Variants in RHBDL2 observed in about 807,000 individuals in gnomAD.
RHBDL2 encodes the protein rhomboid like 2, also known as rhomboid-related protein 2.
RHBDL2 carries 26 observed loss-of-function variants against 31.7 expected under a neutral mutation model. That is an observed-to-expected ratio of 0.82 (90% CI 0.60 to 1.14). RHBDL2 has a LOEUF of 1.14. Among genes scored for constraint, RHBDL2 ranks in the 50% most tolerant of loss-of-function variants. RHBDL2 has a pLI of 0.00. For missense variants in RHBDL2, 336 were observed against 364.4 expected (o/e 0.92, Z 0.63); for synonymous variants, 123 against 127.2 (o/e 0.97, Z 0.22).
intron 1 of RHBDL2, among the ~76,000 whole-genome samples, chr1:38,922,779 C>T (rs1320198330): frequency 6.6e-6 from 1 of 151,550 alleles, no homozygotes. Flanking sequence ...GAAATATTAC[C>T]TATTAGATTG....
intron 4 of RHBDL2, among the ~76,000 whole-genome samples, chr1:38,904,708 G>T (rs2124316982): frequency 6.7e-6 from 1 of 148,582 alleles, no homozygotes; most frequent in African/African-American, 2.4e-5. Context: ...TATATAATAT[G>T]TGTACTATAT....
intron 4 of RHBDL2, among the ~76,000 whole-genome samples, chr1:38,900,296 T>C (rs986555251): frequency 6.6e-6 from 1 of 152,066 alleles, no homozygotes; most frequent in Admixed American, 6.6e-5. Flanking sequence ...GGTGTGCACC[T>C]ATAATCCCAG....
At chr1:38,893,938 G>A (rs1002477789) in intron 5 of RHBDL2, among the ~76,000 whole-genome samples, 20 of 152,032 alleles carry the variant, frequency 1.3e-4, no homozygotes, top group African/African-American at 2.4e-4. Flanking sequence ...TCCCTTATGC[G>A]TCAGTGGCGA....
chr1:38,925,921 A>T, intron 1 of RHBDL2: 2 of 1,256,692 alleles, frequency 1.6e-6, no homozygotes, highest in Non-Finnish European at 2.1e-6. Flanking sequence ...ATATTCATTT[A>T]TAATGGGCCT....
chr1:38,927,306 A>T (rs976547361), intron 1 of RHBDL2, among the ~76,000 whole-genome samples: 3 of 152,180 alleles, frequency 2.0e-5, no homozygotes, highest in Non-Finnish European at 4.4e-5. Context: ...GGGCGCCTGT[A>T]GTCCCAGCTA....
At chr1:38,913,841 G>A (rs187088834) in intron 3 of RHBDL2, among the ~76,000 whole-genome samples, 7 of 152,254 alleles carry the variant, frequency 4.6e-5, no homozygotes, top group Admixed American at 2.0e-4. Context: ...ATAGGCGGCC[G>A]GGCACAGTGG....
intron 1 of RHBDL2, among the ~76,000 whole-genome samples, chr1:38,921,811 T>C (rs1643319247): frequency 6.6e-6 from 1 of 152,208 alleles, no homozygotes. Flanking sequence ...CCACGTCTCA[T>C]AATTGACAAA....
Position 38,893,203 on chromosome 1 carries a change from C to A in RHBDL2, c.631G>T (p.Ala211Ser). ...ATCAGCAGTCTGAAAATTCCAAAGG[C>A]AGGAATCATTTCTTGAAAATTCTTA... ...VLVNFQEMIP[A>S]FGIFRLLIII... Residue 211 changes from alanine (A) to serine (S), a missense_variant, in exon 6 of 8, where the codon GCC becomes TCC. Physicochemically the swap from Ala to Ser is moderately conservative, Grantham distance 99. Coordinates refer to ENST00000372990, the MANE Select transcript of RHBDL2 (RefSeq NM_017821.5). The A allele has an allele frequency of 6.4e-7, 1 of 1,568,492 alleles. No homozygotes were observed. Among genetic ancestry groups the A allele is most frequent in the Non-Finnish European group, 8.8e-7 (1 of 1,140,070 alleles).
rs186947551 is a variant in RHBDL2, at chr1:38,913,227, C to T, written c.396-1793G>A. 2.1e-3 allele frequency among the ~76,000 whole-genome samples: 316 copies of T among 151,832 alleles called. 2 individuals are homozygous for T. The highest frequency in any genetic ancestry group is 7.0e-3 in the African/African-American group (289 of 41,410). Reference sequence around the variant, plus strand: ...CAAACTCCTGACCTCAGGTGACCACCTCAGCTTCCCAAACTGCTGGGATTA... The same window carrying T: ...CAAACTCCTGACCTCAGGTGACCACTTCAGCTTCCCAAACTGCTGGGATTA... On this transcript the variant is annotated intron_variant, in intron 3 of 7. Coordinates refer to ENST00000372990, the MANE Select transcript of RHBDL2 (RefSeq NM_017821.5).
intron 4 of RHBDL2, among the ~76,000 whole-genome samples, chr1:38,902,082 C>G (rs965913227): frequency 2.6e-5 from 4 of 151,444 alleles, no homozygotes; most frequent in African/African-American, 9.7e-5. Context: ...GTACAAAGAA[C>G]ACTTACCAAC....
intron 7 of RHBDL2, 124 bp from the exon 8 acceptor site, chr1:38,886,807 G>A (rs533554080): frequency 2.3e-5 from 16 of 690,942 alleles, no homozygotes; most frequent in Non-Finnish European, 3.5e-5. Flanking sequence ...AAGGTCTAGA[G>A]AACTAGGGGT....
intron 5 of RHBDL2, 54 bp from the exon 6 acceptor site, chr1:38,893,278 T>C (rs755880837): frequency 1.9e-4 from 150 of 803,892 alleles, no homozygotes; most frequent in Non-Finnish European, 2.8e-4. Flanking sequence ...AAATGAAACC[T>C]CAACTCTACT....
At chr1:38,887,903 G>T in intron 7 of RHBDL2, 60 bp downstream of exon 7, 1 of 1,254,350 alleles carries the variant, frequency 8.0e-7, no homozygotes, top group Non-Finnish European at 1.1e-6. Context: ...ACCCCTATTT[G>T]ATAACCCTTT....
intron 4 of RHBDL2, among the ~76,000 whole-genome samples, chr1:38,897,352 G>A (rs1162191998): frequency 2.0e-5 from 3 of 151,922 alleles, no homozygotes; most frequent in Non-Finnish European, 4.4e-5. Context: ...TGCCCACCTC[G>A]GCCTCCCAAA....
chr1:38,902,692 T>C (rs1643010748), intron 4 of RHBDL2, among the ~76,000 whole-genome samples: 1 of 152,072 alleles, frequency 6.6e-6, no homozygotes, highest in South Asian at 2.1e-4. Context: ...AGTGCTGGGA[T>C]TACAGGCATA....
At chr1:38,930,863 A>T (rs1482374075) in intron 1 of RHBDL2, among the ~76,000 whole-genome samples, 1 of 152,194 alleles carries the variant, frequency 6.6e-6, no homozygotes, top group African/African-American at 2.4e-5. Flanking sequence ...ATAGTGGTCC[A>T]CTGATAATGA....
chr1:38,925,924 A>G (rs1436002088), intron 1 of RHBDL2: 3 of 1,259,176 alleles, frequency 2.4e-6, no homozygotes, highest in Non-Finnish European at 3.1e-6. Flanking sequence ...TTCATTTATA[A>G]TGGGCCTTTG....
chr1:38,917,017 CTTT>C (rs547654933), intron 2 of RHBDL2, among the ~76,000 whole-genome samples: 1 of 119,884 alleles, frequency 8.3e-6, no homozygotes, highest in African/African-American at 3.0e-5. Context: ...CAGGAACTTT[CTTT>C]TTTTTTTTTT....
intron 4 of RHBDL2, among the ~76,000 whole-genome samples, chr1:38,897,043 G>T (rs934208775): frequency 3.3e-5 from 5 of 152,048 alleles, no homozygotes; most frequent in Non-Finnish European, 7.4e-5. Flanking sequence ...TCAGCAGAAG[G>T]GTGGAGTCCT....
Sources: allele counts gnomAD v4.1 joint callset (sites outside exome capture counted in the v4.1 genomes callset), GRCh38; gene constraint gnomAD v4.1.1; transcripts MANE v1.5; gene names NCBI Gene and HGNC (gene_info 2026-07-23, HGNC 2026-07-21).